ARHGEF3: variants seen among roughly 807,000 people sequenced by gnomAD.
ARHGEF3 encodes the protein 59.8 kDA protein.
ARHGEF3 carries 28 observed loss-of-function variants against 63.2 expected under a neutral mutation model. The observed-to-expected ratio is 0.44, with a 90% CI of 0.33 to 0.61. The LOEUF is 0.61. Among genes scored for constraint, ARHGEF3 ranks in the 20% least tolerant of loss-of-function variants. The probability of loss-of-function intolerance (pLI) is 0.03; values close to 1 mark genes in which losing one functional copy is unlikely to be tolerated. For synonymous variants in ARHGEF3, 266 were observed against 254.2 expected, an observed-to-expected ratio of 1.05 and a Z score of -0.44; for missense variants, 533 against 659.3, an observed-to-expected ratio of 0.81 and a Z score of 2.10.
In ARHGEF3 at chr3:57,037,650, G is replaced by A. The variant is rs987550356; in HGVS notation, c.-27-2474C>T. Among the ~76,000 whole-genome samples the A allele has an allele frequency of 5.9e-5, 9 of 152,170 alleles. No homozygotes were observed. The East Asian group carries it at 1.2e-3, about 20-fold the overall frequency. Reference sequence around the variant, plus strand: ...AGCACTTTGGGAGGCCGAGGCAGGCGGATCACGAGGTCAGGAGATCGAGAC... The same window carrying A: ...AGCACTTTGGGAGGCCGAGGCAGGCAGATCACGAGGTCAGGAGATCGAGAC... On this transcript the variant is annotated intron_variant, in intron 1 of 12. Transcript: ENST00000338458.
intron 2 of ARHGEF3, among the ~76,000 whole-genome samples, chr3:56,976,374 T>G (rs930506975): frequency 2.0e-5 from 3 of 152,184 alleles, no homozygotes; most frequent in Non-Finnish European, 4.4e-5. Flanking sequence ...AGAAAACTCT[T>G]TACTCAAAAA....
intron 2 of ARHGEF3, among the ~76,000 whole-genome samples, chr3:56,962,274 G>T (rs1347084249): frequency 6.6e-6 from 1 of 152,168 alleles, no homozygotes; most frequent in Non-Finnish European, 1.5e-5. Context: ...ACCAAAGGAG[G>T]GGCCTCTCAG....
intron 3 of ARHGEF3, among the ~76,000 whole-genome samples, chr3:56,951,414 T>G (rs1699809221): frequency 6.6e-6 from 1 of 151,992 alleles, no homozygotes; most frequent in Non-Finnish European, 1.5e-5. Flanking sequence ...ATTGAAGTAT[T>G]TTTAAATTAA....
chr3:56,967,554 TTATATAA>T (rs1468602741), intron 2 of ARHGEF3, among the ~76,000 whole-genome samples: 2 of 87,726 alleles, frequency 2.3e-5, no homozygotes, highest in Non-Finnish European at 4.0e-5. Flanking sequence ...ATTATGTACA[TTATATAA>T]TATATAATAT....
chr3:56,894,201 T>C (rs1251766696), intron 3 of ARHGEF3, among the ~76,000 whole-genome samples: 2 of 152,196 alleles, frequency 1.3e-5, no homozygotes, highest in African/African-American at 2.4e-5. Flanking sequence ...CTCTGAGGTA[T>C]GAGCTCAGTC....
chr3:56,861,227 C>T lies in ARHGEF3; in HGVS notation c.192+21065G>A, dbSNP rs145998825. On this transcript the variant is annotated intron_variant, in intron 4 of 12. Coordinates refer to the ARHGEF3 transcript ENST00000338458. ...TGGTCAGTGCCAGGGTGGTATCTTC[C>T]CTTTTGGTGCCTTCTGCCTGGGACT... Among the ~76,000 whole-genome samples the T allele has an allele frequency of 7.0e-4, 107 of 152,210 alleles. No homozygotes were observed. In the Middle Eastern group the frequency reaches 0.01, roughly 15 times the overall value.
chr3:56,744,361 A>G (rs116830645), intron 7 of ARHGEF3, among the ~76,000 whole-genome samples: 303 of 149,860 alleles, frequency 2.0e-3, no homozygotes, highest in African/African-American at 6.8e-3. Context: ...GGAAAAATAT[A>G]TATTTCCCAG....
At chr3:56,761,543 A>T (rs546518025) in intron 2 of ARHGEF3, among the ~76,000 whole-genome samples, 2 of 152,236 alleles carry the variant, frequency 1.3e-5, no homozygotes, top group Admixed American at 1.3e-4. Context: ...AGGCAGGCAT[A>T]TCTACCTCCT....
intron 2 of ARHGEF3, among the ~76,000 whole-genome samples, chr3:56,989,291 C>CA (rs575095447): frequency 3.9e-3 from 595 of 151,438 alleles, no homozygotes; most frequent in Non-Finnish European, 5.5e-3. Flanking sequence ...TCCTCGCTTG[C>CA]GTTTTTTTTT....
At chr3:57,061,366 T>C (rs1482707278) in intron 1 of ARHGEF3, among the ~76,000 whole-genome samples, 1 of 152,300 alleles carries the variant, frequency 6.6e-6, no homozygotes, top group African/African-American at 2.4e-5. Context: ...GGCACGATCA[T>C]AACTCACTGC....
chr3:56,948,645 C>T (rs1190676291), intron 3 of ARHGEF3, among the ~76,000 whole-genome samples: 4 of 152,086 alleles, frequency 2.6e-5, no homozygotes, highest in Non-Finnish European at 4.4e-5. Flanking sequence ...TAATAGCTTA[C>T]CAACCAAAAA....
Position 56,964,482 on chromosome 3 carries a change from G to A in ARHGEF3, c.63-5593C>T, listed in dbSNP as rs181685392. 2.4e-3 allele frequency among the ~76,000 whole-genome samples: 367 copies of A among 152,162 alleles called. 1 individual carries two copies. The highest frequency in any genetic ancestry group is 8.6e-3 in the African/African-American group (356 of 41,502). Reference sequence around the variant, plus strand: ...CCCTTAAAGAGAGCCCTCACCTTTGGAGAATGGGTCTGTACTCTACTCGTG... The same window carrying A: ...CCCTTAAAGAGAGCCCTCACCTTTGAAGAATGGGTCTGTACTCTACTCGTG... On this transcript the variant is annotated intron_variant, in intron 2 of 12. Transcript: ENST00000338458.
intron 2 of ARHGEF3, chr3:56,975,812 A>G (rs756641070): frequency 7.1e-6 from 3 of 424,910 alleles, no homozygotes; most frequent in South Asian, 3.5e-5. Context: ...TACATGAAGT[A>G]TAACAGGACT....
chr3:56,900,027 T>G (rs1578796092), intron 3 of ARHGEF3, among the ~76,000 whole-genome samples: 2 of 152,252 alleles, frequency 1.3e-5, no homozygotes, highest in African/African-American at 4.8e-5. Flanking sequence ...TTCCTTCCCC[T>G]TTTTGGGAGG....
intron 2 of ARHGEF3, among the ~76,000 whole-genome samples, chr3:57,028,980 G>GACACACACACACACACACACACAC (rs58006138): frequency 2.8e-5 from 4 of 142,254 alleles, no homozygotes; most frequent in East Asian, 4.2e-4. Context: ...TAATGGTGAA[G>GACACACACACACACACACACACAC]ACACACACAC....
At position 56,759,968 on chromosome 3, in the gene ARHGEF3, A is replaced by G. The variant is rs187420677; in HGVS notation, c.205-4817T>C. The stretch of plus-strand genomic sequence containing the variant: ...TACCTCAAATTCACGTATTCTTTTT[A>G]ATGGCTGCAGAATTAGTATCCCTCC... On this transcript the variant is annotated intron_variant, in intron 2 of 9. Transcript: ENST00000296315. Among the ~76,000 whole-genome samples, 37 of 152,298 alleles carry G rather than the reference A, an allele frequency of 2.4e-4. 1 individual carries two copies. In the East Asian group the frequency reaches 5.4e-3, roughly 22 times the overall value.
chr3:56,800,740 C>T (rs2107965375), intron 1 of ARHGEF3, among the ~76,000 whole-genome samples: 1 of 152,288 alleles, frequency 6.6e-6, no homozygotes, highest in Middle Eastern at 3.4e-3. Context: ...TTGATGTTCG[C>T]AGAGTGAGGT....
At chr3:56,735,767 G>A (rs2033576635) in intron 8 of ARHGEF3, among the ~76,000 whole-genome samples, 1 of 152,146 alleles carries the variant, frequency 6.6e-6, no homozygotes, top group Admixed American at 6.6e-5. Flanking sequence ...ACGTCTTCAA[G>A]CAACAGACTT....
chr3:56,822,698 C>G (rs116707236), intron 4 of ARHGEF3, among the ~76,000 whole-genome samples: 1 of 152,048 alleles, frequency 6.6e-6, no homozygotes, highest in African/African-American at 2.4e-5. Flanking sequence ...ACTAGAATTA[C>G]AAAAATTAGC....
Sources: allele counts gnomAD v4.1 joint callset (sites outside exome capture counted in the v4.1 genomes callset), GRCh38; gene constraint gnomAD v4.1.1; transcripts MANE v1.5; gene names NCBI Gene and HGNC (gene_info 2026-07-23, HGNC 2026-07-21).